APBA1: variants seen among roughly 807,000 people sequenced by gnomAD.
APBA1 encodes amyloid beta precursor protein binding family A member 1.
Under a neutral mutation model 86.6 loss-of-function variants are expected in APBA1, and 55 were observed. That is an observed-to-expected ratio of 0.64 (90% confidence interval 0.51 to 0.80). The LOEUF is 0.80. APBA1 is among the 30% of genes least tolerant of loss of function. APBA1 has a pLI of 0.00. For synonymous variants in APBA1, 511 were observed against 493.9 expected (o/e 1.03, Z -0.46); for missense variants, 1,090 against 1,183.0 (o/e 0.92, Z 1.15).
chr9:69,486,463 A>G (rs1173714606), intron 2 of APBA1, among the ~76,000 whole-genome samples: 2 of 152,118 alleles, frequency 1.3e-5, no homozygotes, highest in East Asian at 1.9e-4. Flanking sequence ...AAGAGGAAGG[A>G]GACCTGTTTT....
At chr9:69,536,046 GTT>G (rs10579030) in intron 1 of APBA1, among the ~76,000 whole-genome samples, 22,507 of 143,754 alleles carry the variant, frequency 0.16, 2,291 homozygotes, top group East Asian at 0.28. Flanking sequence ...GCAGTTTTTT[GTT>G]TTTTTTTTTT....
chr9:69,658,836 C>CATA (rs1823695354), intron 1 of APBA1, among the ~76,000 whole-genome samples: 4 of 152,118 alleles, frequency 2.6e-5, no homozygotes, highest in African/African-American at 9.7e-5. Flanking sequence ...CCCCACCCAA[C>CATA]AGACCCCCTC....
At chr9:69,512,099 G>GA (rs1414061596) in intron 2 of APBA1, among the ~76,000 whole-genome samples, 1 of 145,328 alleles carries the variant, frequency 6.9e-6, no homozygotes, top group East Asian at 2.1e-4. Flanking sequence ...TAAATAAAAA[G>GA]AAAAAAAGAA....
intron 1 of APBA1, among the ~76,000 whole-genome samples, chr9:69,634,825 T>C (rs1156705291): frequency 2.6e-5 from 2 of 76,012 alleles, no homozygotes; most frequent in African/African-American, 9.1e-5. Flanking sequence ...GCATAACATA[T>C]TTAAAGTGCA....
intron 1 of APBA1, among the ~76,000 whole-genome samples, chr9:69,520,441 T>G: frequency 6.6e-6 from 1 of 152,204 alleles, no homozygotes; most frequent in East Asian, 1.9e-4. Context: ...AAAACTTGAA[T>G]GTGGACAAAA....
chr9:69,637,613 T>C lies in APBA1; in HGVS notation c.-70+34540A>G, dbSNP rs150955568. The stretch of plus-strand genomic sequence containing the variant: ...GTAAAACAGATGAAATACGCTTCCA[T>C]ACCGTGGCACAGCAGACACAGGCTG... On this transcript the variant is annotated intron_variant, in intron 1 of 12. Coordinates refer to ENST00000265381, the MANE Select transcript of APBA1 (RefSeq NM_001163.4). Among the ~76,000 whole-genome samples, 404 of 152,332 alleles carry C rather than the reference T, an allele frequency of 2.7e-3. 1 individual carries two copies. Among genetic ancestry groups the C allele is most frequent in the African/African-American group, 9.2e-3 (381 of 41,578 alleles).
chr9:69,661,022 T>C, intron 1 of APBA1, among the ~76,000 whole-genome samples: 1 of 152,232 alleles, frequency 6.6e-6, no homozygotes, highest in East Asian at 1.9e-4. Flanking sequence ...TTTTTATGTT[T>C]TTAGATGGTT....
At chr9:69,576,955 GGAT>G (rs970549753) in intron 1 of APBA1, among the ~76,000 whole-genome samples, 1 of 151,130 alleles carries the variant, frequency 6.6e-6, no homozygotes, top group Non-Finnish European at 1.5e-5. Context: ...ATTTTTGGAG[GGAT>G]GATAAAAATC....
intron 1 of APBA1, among the ~76,000 whole-genome samples, chr9:69,623,505 A>T (rs1297756432): frequency 6.6e-6 from 1 of 152,144 alleles, no homozygotes; most frequent in South Asian, 2.1e-4. Context: ...GAAGAAGACG[A>T]TTTAAAGCAG....
At chr9:69,524,815 C>T (rs574744861) in intron 1 of APBA1, among the ~76,000 whole-genome samples, 11 of 152,244 alleles carry the variant, frequency 7.2e-5, no homozygotes, top group African/African-American at 2.2e-4. Flanking sequence ...CCTTGACAAA[C>T]ATAGACACAA....
At chr9:69,439,681 C>T (rs1455287667) in intron 11 of APBA1, among the ~76,000 whole-genome samples, 1 of 152,124 alleles carries the variant, frequency 6.6e-6, no homozygotes, top group African/African-American at 2.4e-5. Context: ...GTTATCCATT[C>T]GTCTAATTTT....
chr9:69,569,961 G>A (rs1837089815), intron 1 of APBA1, among the ~76,000 whole-genome samples: 1 of 152,154 alleles, frequency 6.6e-6, no homozygotes. Flanking sequence ...TGCCAGGTAG[G>A]TCAGAATCGA....
Position 69,664,175 on chromosome 9 carries a change from G to A in APBA1, c.-70+7978C>T, listed in dbSNP as rs1823804693. The stretch of plus-strand genomic sequence containing the variant: ...AACACAAGATAGGGATACTTCTGAA[G>A]GCTATGCAATTGAAAGAAGATAAAT... On this transcript the variant is annotated intron_variant, in intron 1 of 12. Coordinates refer to ENST00000265381, the MANE Select transcript of APBA1 (RefSeq NM_001163.4). Among the ~76,000 whole-genome samples, 3 of 152,196 alleles carry A rather than the reference G, an allele frequency of 2.0e-5. No homozygotes were observed. In the South Asian group the frequency reaches 6.2e-4, roughly 31 times the overall value.
chr9:69,516,419 G>C lies in APBA1; in HGVS notation c.792C>G (p.Tyr264Ter). The part of the protein sequence containing the change: ...EFAPYPRMDS[Y>*]EQEEDIDQIV... ...TCTGGTCGATGTCCTCCTCCTGCTC[G>C]TAGCTGTCCATGCGCGGGTAGGGCG... Residue 264 changes from tyrosine to a stop codon, truncating the protein, a stop_gained, in exon 2 of 13, where the codon TAC (tyrosine) becomes TAG (stop). Coordinates refer to ENST00000265381, the MANE Select transcript of APBA1 (RefSeq NM_001163.4). LOFTEE classifies it high-confidence loss of function. This position sits in a 1 kb window ranked among gnomAD's most constrained non-coding sequence, Gnocchi z 7.3. 3 of 1,604,996 alleles carry C rather than the reference G, an allele frequency of 1.9e-6. No individual in the cohort carries two copies. Among genetic ancestry groups the C allele is most frequent in the Non-Finnish European group, 2.5e-6 (3 of 1,178,724 alleles).
Position 69,643,835 on chromosome 9 carries a change from G to A in APBA1, c.-70+28318C>T, listed in dbSNP as rs146505512. Among the ~76,000 whole-genome samples, 739 of 152,272 alleles carry A rather than the reference G, an allele frequency of 4.9e-3. 12 individuals carry two copies. Among genetic ancestry groups the A allele is most frequent in the African/African-American group, 0.017 (696 of 41,552 alleles). On this transcript the variant is annotated intron_variant, in intron 1 of 12. Transcript: ENST00000265381. The stretch of plus-strand genomic sequence containing the variant: ...CTCCTGGCCTACAAGACCCTACCTG[G>A]GCTGATCCCTGACTGCCATCCTTAA...
At chr9:69,629,052 G>A (rs530697664) in intron 1 of APBA1, among the ~76,000 whole-genome samples, 4 of 151,940 alleles carry the variant, frequency 2.6e-5, no homozygotes, top group Admixed American at 6.6e-5. Flanking sequence ...AATTAACCAC[G>A]TAAGATTCCT....
intron 1 of APBA1, among the ~76,000 whole-genome samples, chr9:69,596,104 C>T (rs1822222966): frequency 1.3e-5 from 2 of 152,096 alleles, no homozygotes; most frequent in Admixed American, 1.3e-4. Context: ...CTTCCCATTT[C>T]AGCCTCCCAA....
intron 1 of APBA1, among the ~76,000 whole-genome samples, chr9:69,647,916 G>T (rs1447252396): frequency 2.6e-5 from 4 of 152,222 alleles, no homozygotes; most frequent in African/African-American, 2.4e-5. Context: ...GGTGGTCTGT[G>T]GGGGATAGGA....
chr9:69,565,168 T>A lies in APBA1; in HGVS notation c.-69-47889A>T, dbSNP rs577748911. Among the ~76,000 whole-genome samples the A allele has an allele frequency of 4.3e-4, 65 of 151,770 alleles. No individual in the cohort carries two copies. In the East Asian group the frequency reaches 0.012, roughly 27 times the overall value. On this transcript the variant is annotated intron_variant, in intron 1 of 12. Transcript: ENST00000265381. The stretch of plus-strand genomic sequence containing the variant: ...ATTCACCTGCAAAAACCTCCAAACA[T>A]CTAAAATGTGAAGTGCTGTCAGGTA...
Sources: allele counts gnomAD v4.1 joint callset (sites outside exome capture counted in the v4.1 genomes callset), GRCh38; gene constraint gnomAD v4.1.1; non-coding constraint Gnocchi (gnomAD v3.1); transcripts MANE v1.5; gene names NCBI Gene and HGNC (gene_info 2026-07-23, HGNC 2026-07-21).